The following SATB1 variants were observed in gnomAD, a reference collection of about 807,000 sequenced individuals.
SATB1 encodes SATB homeobox 1.
A neutral mutation model predicts 86.9 loss-of-function variants in SATB1; 11 were observed. The observed-to-expected ratio is 0.13, with a 90% CI of 0.08 to 0.21. The LOEUF is 0.21. Ranked by LOEUF, SATB1 falls within the 10% of genes least tolerant of loss-of-function variation. SATB1 has a pLI of 1.00. For missense variants in SATB1, 551 were observed against 937.6 expected (o/e 0.59, Z 5.39); for synonymous variants, 357 against 357.2 (o/e 1.00, Z 0.01).
chr3:18,350,324 C>G (rs1382092199), intron 10 of SATB1: 1 of 152,372 alleles, frequency 6.6e-6, no homozygotes, highest in Non-Finnish European at 1.5e-5. Flanking sequence ...TTTCTTACCT[C>G]AAAAGGTTCA....
chr3:18,364,013 T>A (rs530786566), intron 9 of SATB1, among the ~76,000 whole-genome samples: 3 of 152,326 alleles, frequency 2.0e-5, no homozygotes, highest in African/African-American at 7.2e-5. Flanking sequence ...TACCTCTGTT[T>A]ACATGCTTTG....
Position 18,347,111 on chromosome 3 carries a change from A to AAAG in SATB1, c.*2056_*2058dup, listed in dbSNP as rs71634842. 79,508 of 151,668 alleles carry AAAG rather than the reference A, an allele frequency of 0.52. 22,957 individuals carry two copies. The highest frequency in any genetic ancestry group is 0.77 in the East Asian group (3,927 of 5,126). The allele number at this position is 151,668 out of a possible 1,614,324, so 9.4% of individuals were successfully genotyped here. ...TTTCAATGATTCCACTTCAGTTTCTAAAGTACAAGTTCAACACTAAAGCAG... is the reference window on the plus strand; with the variant it reads ...TTTCAATGATTCCACTTCAGTTTCTAAAGAAGTACAAGTTCAACACTAAAGCAG... On this transcript the variant is annotated 3_prime_UTR_variant, in exon 11 of 11. Coordinates refer to ENST00000338745, the MANE Select transcript of SATB1 (RefSeq NM_002971.6).
chr3:18,349,112 C>A lies in SATB1; in HGVS notation c.*58G>T, dbSNP rs1694210271. 33 of 1,560,986 alleles carry A rather than the reference C, an allele frequency of 2.1e-5. 1 individual carries two copies. The South Asian group carries it at 4.0e-4, about 19-fold the overall frequency. On this transcript the variant is annotated 3_prime_UTR_variant, in exon 11 of 11. Transcript: ENST00000338745. This position sits in a 1 kb window ranked among gnomAD's most constrained non-coding sequence, Gnocchi z 5.5. ...GTTTTCTGAGAGAAGACAAGGTGGA[C>A]TTTTCATTTTGTTAGTAAATACCAG...
At chr3:18,418,077 A>G (rs1698209599) in intron 2 of SATB1, among the ~76,000 whole-genome samples, 1 of 152,174 alleles carries the variant, frequency 6.6e-6, no homozygotes, top group Admixed American at 6.5e-5. Context: ...AAGCAGATGC[A>G]TCTGAATTGT....
At position 18,351,745 on chromosome 3, in the gene SATB1, C is replaced by T. The variant is rs1048771049; in HGVS notation, c.1779+247G>A. On this transcript the variant is annotated intron_variant, in intron 10 of 10. Coordinates refer to ENST00000338745, the MANE Select transcript of SATB1 (RefSeq NM_002971.6). ...TACCAACAAAGACACATTTGCCAAA[C>T]GAGTGTAAAAAAGGGGTTCCTGTTG... The T allele has an allele frequency of 1.2e-4, 63 of 538,114 alleles. 1 individual carries two copies. Among genetic ancestry groups the T allele is most frequent in the African/African-American group, 1.9e-5 (1 of 52,942 alleles). 33.3% of individuals were successfully genotyped at this position (538,114 alleles called of 1,614,324 possible). A position where few individuals can be genotyped will look rare whatever the true frequency, so the allele number is the denominator to read the frequency against.
upstream of SATB1, among the ~76,000 whole-genome samples, chr3:18,429,264 C>T (rs1325002444): frequency 1.3e-5 from 2 of 152,190 alleles, no homozygotes; most frequent in Non-Finnish European, 2.9e-5. This position sits in a 1 kb window ranked among gnomAD's most constrained non-coding sequence, Gnocchi z 4.1. Context: ...ATTTCTGCAT[C>T]GTTTCCTGAA....
intron 9 of SATB1, among the ~76,000 whole-genome samples, chr3:18,368,923 G>T (rs1450732734): frequency 6.6e-6 from 1 of 151,894 alleles, no homozygotes; most frequent in Non-Finnish European, 1.5e-5. Context: ...TATTTATAGG[G>T]GGATTCTTCC....
chr3:18,383,774 A>T (rs1052665102), intron 8 of SATB1, among the ~76,000 whole-genome samples: 4 of 152,152 alleles, frequency 2.6e-5, no homozygotes, highest in Non-Finnish European at 5.9e-5. Context: ...AGTGCTCTAT[A>T]ACGTGTTTTT....
intron 9 of SATB1, among the ~76,000 whole-genome samples, chr3:18,377,524 T>A (rs2125186619): frequency 6.6e-6 from 1 of 152,346 alleles, no homozygotes; most frequent in African/African-American, 2.4e-5. Context: ...TTATTTAGTT[T>A]GGTAGAAGTT....
At chr3:18,402,228 A>G (rs1697308955) in intron 5 of SATB1, among the ~76,000 whole-genome samples, 1 of 152,100 alleles carries the variant, frequency 6.6e-6, no homozygotes, top group Admixed American at 6.6e-5. Context: ...CTCAGTAGCC[A>G]ATGAAGGGGT....
At chr3:18,391,129 C>T (rs1696641306) in intron 7 of SATB1, among the ~76,000 whole-genome samples, 1 of 151,788 alleles carries the variant, frequency 6.6e-6, no homozygotes, top group Non-Finnish European at 1.5e-5. Flanking sequence ...AAAAAAAAAC[C>T]CATGTGCGAA....
intron 5 of SATB1, among the ~76,000 whole-genome samples, chr3:18,407,122 G>T (rs983851009): frequency 6.6e-6 from 1 of 151,972 alleles, no homozygotes; most frequent in Non-Finnish European, 1.5e-5. Flanking sequence ...GTTAGTTAAC[G>T]GAAAAGACAC....
intron 2 of SATB1, chr3:18,435,134 T>C (rs535909936): frequency 6.6e-6 from 1 of 152,112 alleles, no homozygotes; most frequent in African/African-American, 2.4e-5. Flanking sequence ...GGGAGAGAAA[T>C]TTTAATCATG....
chr3:18,367,063 T>C (rs1257422120), intron 9 of SATB1, among the ~76,000 whole-genome samples: 1 of 152,188 alleles, frequency 6.6e-6, no homozygotes, highest in African/African-American at 2.4e-5. Flanking sequence ...TTTACTTTCC[T>C]GAAGGGGAAG....
At chr3:18,434,783 G>C (rs577484088) in intron 2 of SATB1, 4 of 151,288 alleles carry the variant, frequency 2.6e-5, no homozygotes, top group Non-Finnish European at 4.4e-5. Flanking sequence ...ACTTGAAAGA[G>C]AAAATATAAA....
chr3:18,435,710 A>G (rs1699035553), intron 2 of SATB1, among the ~76,000 whole-genome samples: 1 of 152,238 alleles, frequency 6.6e-6, no homozygotes. Flanking sequence ...AAAGCAAGCC[A>G]GTAGTAATAC....
rs1370462484 is a variant in SATB1 at position 18,346,699 on chromosome 3, G to GTTGA, written c.*2467_*2470dup. On this transcript the variant is annotated 3_prime_UTR_variant, in exon 11 of 11. Transcript: ENST00000338745. ...GTGGGAATTTTGTTAGCATTGTTAT[G>GTTGA]TTGATTACCAAACAAACATTCAAAC... 1 of 151,938 alleles carries GTTGA rather than the reference G, an allele frequency of 6.6e-6. No individual in the cohort carries two copies. Among genetic ancestry groups the GTTGA allele is most frequent in the East Asian group, 1.9e-4 (1 of 5,154 alleles). The allele number at this position is 151,938 out of a possible 1,614,324, so 9.4% of individuals were successfully genotyped here. A position where few individuals can be genotyped will look rare whatever the true frequency, so the allele number is the denominator to read the frequency against.
Position 18,386,689 on chromosome 3 carries a change from C to G in SATB1, c.1207-78G>C. On this transcript the variant is annotated intron_variant, in intron 7 of 10. Transcript: ENST00000338745. This position sits in a 1 kb window ranked among gnomAD's most constrained non-coding sequence, Gnocchi z 4.5. ...AGCAGTGATCCTTCCCTTTTCTTCTCCACTCTGTTTAGAAAATGAACAGTC... is the reference window on the plus strand; with the variant it reads ...AGCAGTGATCCTTCCCTTTTCTTCTGCACTCTGTTTAGAAAATGAACAGTC... 3 of 1,161,232 alleles carry G rather than the reference C, an allele frequency of 2.6e-6. No homozygotes were observed. Among genetic ancestry groups the G allele is most frequent in the Non-Finnish European group, 3.9e-6 (3 of 778,740 alleles). The allele number at this position is 1,161,232 out of a possible 1,614,324, so 71.9% of individuals were successfully genotyped here. A position where few individuals can be genotyped will look rare whatever the true frequency, so the allele number is the denominator to read the frequency against.
chr3:18,410,158 C>A (rs1697759579), intron 5 of SATB1, among the ~76,000 whole-genome samples: 1 of 151,930 alleles, frequency 6.6e-6, no homozygotes, highest in South Asian at 2.1e-4. Flanking sequence ...TAAAACAAGA[C>A]AACATACAAA....
Sources: gnomAD v4.1 joint callset for allele counts (sites outside exome capture counted in the v4.1 genomes callset) on GRCh38, gnomAD v4.1.1 for gene constraint, Gnocchi (gnomAD v3.1) non-coding constraint, MANE v1.5 for transcripts, NCBI Gene and HGNC (gene_info 2026-07-23, HGNC 2026-07-21) for gene names.